PRTFDC1: variants seen among roughly 807,000 people sequenced by gnomAD.
PRTFDC1 encodes phosphoribosyl transferase domain containing 1, also known as phosphoribosyltransferase domain-containing protein 1.
PRTFDC1 carries 38 observed loss-of-function variants against 34.6 expected under a neutral mutation model. That is an observed-to-expected ratio of 1.10 (90% CI 0.85 to 1.44). The LOEUF (loss-of-function observed/expected upper bound fraction) is 1.44, where lower values mean the gene tolerates loss of function less well. Ranked by LOEUF, PRTFDC1 falls within the 40% of genes most tolerant of loss-of-function variation. PRTFDC1 has a pLI of 0.00. For synonymous variants in PRTFDC1, 93 were observed against 98.1 expected (o/e 0.95, Z 0.31); for missense variants, 270 against 283.0 (o/e 0.95, Z 0.33).
intron 4 of PRTFDC1, among the ~76,000 whole-genome samples, chr10:24,864,988 C>T (rs57683413): frequency 0.12 from 18,021 of 152,026 alleles, 1,347 homozygotes; most frequent in South Asian, 0.21. Flanking sequence ...TGGTGGTGCA[C>T]GCCTGTAGTC....
intron 3 of PRTFDC1, among the ~76,000 whole-genome samples, chr10:24,899,738 TAA>T (rs1164564752): frequency 2.0e-5 from 3 of 152,190 alleles, no homozygotes; most frequent in African/African-American, 7.2e-5. Context: ...GTTTTCAAGA[TAA>T]TAGAGACAGA....
chr10:24,923,841 T>C (rs185572182), intron 3 of PRTFDC1, among the ~76,000 whole-genome samples: 1 of 152,224 alleles, frequency 6.6e-6, no homozygotes, highest in Admixed American at 6.5e-5. Flanking sequence ...AGGTCGGTAA[T>C]AACAAACTTC....
chr10:24,862,222 A>G (rs1198504983), intron 4 of PRTFDC1, among the ~76,000 whole-genome samples: 1 of 152,212 alleles, frequency 6.6e-6, no homozygotes, highest in South Asian at 2.1e-4. Context: ...ATTTCTTAAC[A>G]TCATATAAAG....
Position 24,849,904 on chromosome 10 carries a change from AG to A in PRTFDC1, c.631-14del. The A allele has an allele frequency of 6.2e-7, 1 of 1,613,806 alleles. No homozygotes were observed. The highest frequency in any genetic ancestry group is 8.5e-7 in the Non-Finnish European group (1 of 1,179,786). Reference sequence around the variant, plus strand: ...TGACGCATATGTGCTGAAACAATAAAGGATTTAAACGCATCAGTTTCTTAAC... The same window carrying A: ...TGACGCATATGTGCTGAAACAATAAAGATTTAAACGCATCAGTTTCTTAAC... On this transcript the variant is annotated splice_polypyrimidine_tract_variant and intron_variant, in intron 8 of 8. Coordinates refer to ENST00000320152, the MANE Select transcript of PRTFDC1 (RefSeq NM_020200.7).
At chr10:24,949,561 T>C (rs189087501) in intron 1 of PRTFDC1, among the ~76,000 whole-genome samples, 108 of 152,224 alleles carry the variant, frequency 7.1e-4, no homozygotes, top group Non-Finnish European at 1.4e-3. Context: ...TATATCCAAC[T>C]TGAGGTTAAT....
intron 3 of PRTFDC1, among the ~76,000 whole-genome samples, chr10:24,882,570 G>C (rs936324789): frequency 6.6e-6 from 1 of 152,104 alleles, no homozygotes; most frequent in Non-Finnish European, 1.5e-5. Context: ...AACACTTCCT[G>C]TTATGTCTGA....
intron 3 of PRTFDC1, among the ~76,000 whole-genome samples, chr10:24,879,406 C>T (rs1242844569): frequency 2.0e-5 from 3 of 151,576 alleles, no homozygotes; most frequent in Non-Finnish European, 2.9e-5. Flanking sequence ...TGCAGTGGTG[C>T]GACCTTGGCT....
At chr10:24,927,751 T>G (rs970282075) in intron 3 of PRTFDC1, among the ~76,000 whole-genome samples, 12 of 151,956 alleles carry the variant, frequency 7.9e-5, no homozygotes, top group African/African-American at 2.7e-4. Flanking sequence ...CCAGCTAATT[T>G]TTGTGCTTTT....
chr10:24,880,829 TTC>T (rs1848060863), intron 3 of PRTFDC1, among the ~76,000 whole-genome samples: 1 of 128,222 alleles, frequency 7.8e-6, no homozygotes, highest in Non-Finnish European at 1.6e-5. Context: ...CTTTCTTTCT[TTC>T]TTTCTTTCTT....
chr10:24,851,997 T>C (rs1411561430), intron 7 of PRTFDC1, among the ~76,000 whole-genome samples: 1 of 151,956 alleles, frequency 6.6e-6, no homozygotes, highest in East Asian at 1.9e-4. Context: ...GCAACGGGAT[T>C]GTTCAACTTG....
chr10:24,903,209 G>GA (rs1468421255), intron 3 of PRTFDC1, among the ~76,000 whole-genome samples: 1 of 151,830 alleles, frequency 6.6e-6, no homozygotes, highest in East Asian at 1.9e-4. Context: ...TGCATCTCAA[G>GA]AAAAAAAGTA....
chr10:24,894,594 G>A lies in PRTFDC1; in HGVS notation c.340-22531C>T, dbSNP rs76738609. On this transcript the variant is annotated intron_variant, in intron 3 of 8. Coordinates refer to ENST00000320152, the MANE Select transcript of PRTFDC1 (RefSeq NM_020200.7). ...GTGAAGGCACCCGGGAGCCAATCTC[G>A]GTTTGTGGATGAGGCAAAGTGGCTC... 9.5e-4 allele frequency among the ~76,000 whole-genome samples: 144 copies of A among 152,300 alleles called. No homozygotes were observed. The East Asian group carries it at 0.025, about 26-fold the overall frequency.
chr10:24,872,802 A>T (rs1245420168), intron 3 of PRTFDC1, among the ~76,000 whole-genome samples: 1 of 120,512 alleles, frequency 8.3e-6, no homozygotes, highest in East Asian at 2.3e-4. Context: ...ATATATATAT[A>T]TATATTTTTT....
At chr10:24,876,484 A>G (rs1481693716) in intron 3 of PRTFDC1, among the ~76,000 whole-genome samples, 1 of 152,074 alleles carries the variant, frequency 6.6e-6, no homozygotes, top group African/African-American at 2.4e-5. Flanking sequence ...TCACGAGGTC[A>G]GGAGTTCAAG....
intron 4 of PRTFDC1, among the ~76,000 whole-genome samples, chr10:24,859,751 ATC>A (rs1476976554): frequency 3.3e-5 from 5 of 152,316 alleles, no homozygotes; most frequent in Admixed American, 6.5e-5. Flanking sequence ...CTTGTTTGAT[ATC>A]TGTCTTCCCC....
chr10:24,894,344 A>AAAAAT lies in PRTFDC1; in HGVS notation c.340-22282_340-22281insATTTT, dbSNP rs956605075. On this transcript the variant is annotated intron_variant, in intron 3 of 8. Coordinates refer to ENST00000320152, the MANE Select transcript of PRTFDC1 (RefSeq NM_020200.7). Reference sequence around the variant, plus strand: ...GACTCAATCTCAAAAAAAAAAAAAAAAAAAGAGAGAGAAAAGAAAATAGGA... The same window carrying AAAAAT: ...GACTCAATCTCAAAAAAAAAAAAAAAAAAATAAAAGAGAGAGAAAAGAAAATAGGA... 2.4e-4 allele frequency among the ~76,000 whole-genome samples: 36 copies of AAAAAT among 151,900 alleles called. 1 individual carries two copies. Among genetic ancestry groups the AAAAAT allele is most frequent in the Admixed American group, 1.4e-3 (21 of 15,252 alleles).
chr10:24,884,139 G>C (rs555542089), intron 3 of PRTFDC1, among the ~76,000 whole-genome samples: 1 of 146,948 alleles, frequency 6.8e-6, no homozygotes, highest in Non-Finnish European at 1.5e-5. Context: ...GCCAAGAGAC[G>C]ATTTTCTCCA....
intron 3 of PRTFDC1, among the ~76,000 whole-genome samples, chr10:24,936,437 C>T (rs959031912): frequency 6.6e-6 from 1 of 152,116 alleles, no homozygotes; most frequent in African/African-American, 2.4e-5. Context: ...TGCCACCACA[C>T]TCAGCTAATT....
intron 3 of PRTFDC1, among the ~76,000 whole-genome samples, chr10:24,915,199 T>C (rs915234826): frequency 1.3e-5 from 2 of 152,218 alleles, no homozygotes; most frequent in Admixed American, 6.5e-5. Flanking sequence ...AAAATTAGCA[T>C]GTGATATTGG....
Sources: allele counts gnomAD v4.1 joint callset (sites outside exome capture counted in the v4.1 genomes callset), GRCh38; gene constraint gnomAD v4.1.1; transcripts MANE v1.5; gene names NCBI Gene and HGNC (gene_info 2026-07-23, HGNC 2026-07-21).